Variants in GIPC3 observed in about 807,000 individuals in gnomAD.
GIPC3 encodes the protein GIPC PDZ domain containing family member 3.
A neutral mutation model predicts 27.3 loss-of-function variants in GIPC3; 16 were observed. That is an observed-to-expected ratio of 0.59 (90% CI 0.40 to 0.89). The LOEUF (loss-of-function observed/expected upper bound fraction) is 0.89. Ranked by LOEUF, GIPC3 falls within the 40% of genes least tolerant of loss-of-function variation. GIPC3 has a pLI of 0.00. For synonymous variants in GIPC3, 194 were observed against 184.6 expected, an observed-to-expected ratio of 1.05 and a Z score of -0.41; for missense variants, 440 against 442.1, an observed-to-expected ratio of 1.00 and a Z score of 0.04.
chr19:3,588,966 C>T (rs897319671), intron 3 of GIPC3, among the ~76,000 whole-genome samples: 13 of 151,520 alleles, frequency 8.6e-5, no homozygotes, highest in African/African-American at 2.9e-4. Flanking sequence ...AAAAATCAAG[C>T]TTAGTCTGAG....
At chr19:3,588,443 C>T (rs78396390) in intron 3 of GIPC3, among the ~76,000 whole-genome samples, 15,496 of 152,022 alleles carry the variant, frequency 0.1, 979 homozygotes, top group South Asian at 0.2. Context: ...TCTAGAAGTG[C>T]CCCAGCACAC....
rs2031901375 is a variant in GIPC3 at position 3,585,643 on chromosome 19, C to A, written c.46C>A (p.Arg16Ser). 8.4e-7 allele frequency: 1 copy of A among 1,196,350 alleles called. No individual in the cohort carries two copies. The highest frequency in any genetic ancestry group is 1.0e-6 in the Non-Finnish European group (1 of 967,630). 74.1% of individuals were successfully genotyped at this position (1,196,350 alleles called of 1,614,324 possible). The change falls in exon 1 of 6, where the codon CGC becomes AGC. Residue 16 changes from arginine (R) to serine (S), a missense_variant. By Grantham distance (110) the Arg-to-Ser change is moderately radical. Transcript: ENST00000644452. ...GGAGGCCCGGGGGACCGAGACCCCG[C>A]GCGCGTCTGCGCCCCCGCCCGCGCC... ...AREARGTETP[R>S]ASAPPPAPSE...
Position 3,585,749 on chromosome 19 carries a change from A to G in GIPC3, c.152A>G (p.Lys51Arg). ...CTGGCGCACGGGAGCCCCACGGGCA[A>G]GATCGAGGGCTTCACCAACGTCCGC... ...TQLAHGSPTGKIEGFTNVREL... is the reference protein window; with the variant it reads ...TQLAHGSPTGRIEGFTNVREL... Residue 51 changes from lysine to arginine, a missense_variant, in exon 1 of 6, where the codon AAG (lysine) becomes AGG (arginine). Transcript: ENST00000644452. The G allele has an allele frequency of 6.5e-7, 1 of 1,544,848 alleles. No homozygotes were observed. The highest frequency in any genetic ancestry group is 8.7e-7 in the Non-Finnish European group (1 of 1,144,908).
Position 3,592,238 on chromosome 19 carries a change from A to G in GIPC3, c.*2048A>G. On this transcript the variant is annotated 3_prime_UTR_variant, in exon 6 of 6. Transcript: ENST00000644452. Reference sequence around the variant, plus strand: ...CCTCTGGGACTCAATTCGCCTCTAAAACCCTGCCAGGTTCTAGATACCAGC... The same window carrying G: ...CCTCTGGGACTCAATTCGCCTCTAAGACCCTGCCAGGTTCTAGATACCAGC... 8.1e-7 allele frequency: 1 copy of G among 1,232,064 alleles called. No individual in the cohort carries two copies. Among genetic ancestry groups the G allele is most frequent in the Non-Finnish European group, 1.0e-6 (1 of 988,076 alleles). The allele number at this position is 1,232,064 out of a possible 1,614,324, so 76.3% of individuals were successfully genotyped here. A position where few individuals can be genotyped will look rare whatever the true frequency, so the allele number is the denominator to read the frequency against.
chr19:3,592,717 GCT>G lies in GIPC3; in HGVS notation c.*2530_*2531del. On this transcript the variant is annotated 3_prime_UTR_variant, in exon 6 of 6. Coordinates refer to ENST00000644452, the MANE Select transcript of GIPC3 (RefSeq NM_133261.3). ...CAGTCCAGCTCTGAGACCGGGCTCAGCTCTGAAACCCAGACCGGCTCAAGAAT... is the reference window on the plus strand; with the variant it reads ...CAGTCCAGCTCTGAGACCGGGCTCAGCTGAAACCCAGACCGGCTCAAGAAT... 6.5e-6 allele frequency: 8 copies of G among 1,231,704 alleles called. No homozygotes were observed. The highest frequency in any genetic ancestry group is 8.1e-6 in the Non-Finnish European group (8 of 987,676). The allele number at this position is 1,231,704 out of a possible 1,614,324, so 76.3% of individuals were successfully genotyped here. A position where few individuals can be genotyped will look rare whatever the true frequency, so the allele number is the denominator to read the frequency against.
In GIPC3 at chr19:3,585,530, G is replaced by T; in HGVS notation, c.-68G>T. ...TCGCGCCCTGGGCCGGGGGAGGGGAGGCTGCAGGAAGCGGCGGATCCGGCG... is the reference window on the plus strand; with the variant it reads ...TCGCGCCCTGGGCCGGGGGAGGGGATGCTGCAGGAAGCGGCGGATCCGGCG... On this transcript the variant is annotated 5_prime_UTR_variant, in exon 1 of 6. In the 5' UTR this introduces an upstream ATG that the reference lacks. Transcript: ENST00000644452. 1 of 1,093,940 alleles carries T rather than the reference G, an allele frequency of 9.1e-7. No homozygotes were observed. Among genetic ancestry groups the T allele is most frequent in the Non-Finnish European group, 1.1e-6 (1 of 899,752 alleles). The allele number at this position is 1,093,940 out of a possible 1,614,324, so 67.8% of individuals were successfully genotyped here.
intron 3 of GIPC3, among the ~76,000 whole-genome samples, chr19:3,588,190 G>T (rs112666636): frequency 0.021 from 3,172 of 151,652 alleles, 112 homozygotes; most frequent in African/African-American, 0.073. Context: ...TTTTAGTAGA[G>T]ATGGGGTTTC....
At position 3,590,176 on chromosome 19, in the gene GIPC3, G is replaced by GA. The variant is rs1253865825; in HGVS notation, c.926dup (p.Ala310GlyfsTer1037). On this transcript the variant is annotated frameshift_variant, in exon 6 of 6. Transcript: ENST00000644452. LOFTEE classifies it high-confidence loss of function. The stretch of plus-strand genomic sequence containing the variant: ...GTGGGCCGCCATCGGCGAGGCCAGA[G>GA]AGGCCTGTGGCTAGTTTGCCCTGGG... The GA allele has an allele frequency of 6.2e-7, 1 of 1,602,020 alleles. No homozygotes were observed. The highest frequency in any genetic ancestry group is 1.3e-5 in the African/African-American group (1 of 74,902).
chr19:3,593,154 A>G lies in GIPC3; in HGVS notation c.*2964A>G. ...ACCCCAGAAGTCCACCCCACCCACC[A>G]TATCTGTCACTCCTAGTCCTGCCCC... On this transcript the variant is annotated 3_prime_UTR_variant, in exon 6 of 6. Coordinates refer to ENST00000644452, the MANE Select transcript of GIPC3 (RefSeq NM_133261.3). 8.1e-7 allele frequency: 1 copy of G among 1,232,164 alleles called. No individual in the cohort carries two copies. Among genetic ancestry groups the G allele is most frequent in the Non-Finnish European group, 1.0e-6 (1 of 988,104 alleles). 76.3% of individuals were successfully genotyped at this position (1,232,164 alleles called of 1,614,324 possible). A position where few individuals can be genotyped will look rare whatever the true frequency, so the allele number is the denominator to read the frequency against.
Position 3,592,022 on chromosome 19 carries a change from A to T in GIPC3, c.*1832A>T, listed in dbSNP as rs1387658631. The T allele has an allele frequency of 1.6e-6, 2 of 1,231,950 alleles. No homozygotes were observed. The highest frequency in any genetic ancestry group is 1.6e-5 in the African/African-American group (1 of 64,398). 76.3% of individuals were successfully genotyped at this position (1,231,950 alleles called of 1,614,324 possible). A position where few individuals can be genotyped will look rare whatever the true frequency, so the allele number is the denominator to read the frequency against. Reference sequence around the variant, plus strand: ...GTTCTGGAGCACAGGCTGGTTCTGAAATCCCAGCCAGCTCCAAAACACAGA... The same window carrying T: ...GTTCTGGAGCACAGGCTGGTTCTGATATCCCAGCCAGCTCCAAAACACAGA... On this transcript the variant is annotated 3_prime_UTR_variant, in exon 6 of 6. Transcript: ENST00000644452.
At position 3,585,584 on chromosome 19, in the gene GIPC3, G is replaced by A. The variant is rs2032346882; in HGVS notation, c.-14G>A. 6.1e-6 allele frequency: 7 copies of A among 1,148,104 alleles called. No homozygotes were observed. The South Asian group carries it at 2.1e-4, about 35-fold the overall frequency. The allele number at this position is 1,148,104 out of a possible 1,614,324, so 71.1% of individuals were successfully genotyped here. A position where few individuals can be genotyped will look rare whatever the true frequency, so the allele number is the denominator to read the frequency against. ...GCGGCGAGGGCCCGGGTGGGTGGCC[G>A]AACTTCTCCCGCCATGGAGGGAGCA... On this transcript the variant is annotated 5_prime_UTR_variant, in exon 1 of 6. Transcript: ENST00000644452.
In GIPC3 at chr19:3,589,375, C is replaced by T. The variant is rs2032437312; in HGVS notation, c.593-68C>T. Reference sequence around the variant, plus strand: ...ATTCTAGAAAGGCTCGGCTGTTGGCCTCCCAGGGTTTACAAAGATGTGGCT... The same window carrying T: ...ATTCTAGAAAGGCTCGGCTGTTGGCTTCCCAGGGTTTACAAAGATGTGGCT... On this transcript the variant is annotated intron_variant, in intron 3 of 5. Transcript: ENST00000644452. 3 of 1,171,722 alleles carry T rather than the reference C, an allele frequency of 2.6e-6. No homozygotes were observed. The East Asian group carries it at 7.0e-5, about 27-fold the overall frequency. The allele number at this position is 1,171,722 out of a possible 1,614,324, so 72.6% of individuals were successfully genotyped here. A position where few individuals can be genotyped will look rare whatever the true frequency, so the allele number is the denominator to read the frequency against.
intron 3 of GIPC3, among the ~76,000 whole-genome samples, chr19:3,589,236 A>C (rs1339825731): frequency 6.6e-6 from 1 of 152,184 alleles, no homozygotes; most frequent in Non-Finnish European, 1.5e-5. Context: ...CTCCATTACA[A>C]CACCTCATTC....
At chr19:3,589,130 C>T (rs1044725089) in intron 3 of GIPC3, among the ~76,000 whole-genome samples, 2 of 152,034 alleles carry the variant, frequency 1.3e-5, no homozygotes, top group African/African-American at 4.8e-5. Flanking sequence ...GATTGAGGAT[C>T]CTACCACAAG....
In GIPC3 at chr19:3,590,405, C is replaced by T. The variant is rs11668656; in HGVS notation, c.*215C>T. On this transcript the variant is annotated 3_prime_UTR_variant, in exon 6 of 6. Coordinates refer to ENST00000644452, the MANE Select transcript of GIPC3 (RefSeq NM_133261.3). ...CTAGAGCCCAGGCCAGCTCTGAGAC[C>T]AAGCCCAGCATTGAGAATAAGCTCT... The T allele has an allele frequency of 6.9e-3, 9,885 of 1,432,710 alleles. 49 individuals carry two copies. Among genetic ancestry groups the T allele is most frequent in the Non-Finnish European group, 8.4e-3 (9,196 of 1,097,838 alleles). 88.7% of individuals were successfully genotyped at this position (1,432,710 alleles called of 1,614,324 possible).
intron 4 of GIPC3, 65 bp downstream of exon 4, chr19:3,589,620 G>A (rs1014289858): frequency 2.9e-5 from 40 of 1,385,996 alleles, no homozygotes; most frequent in Admixed American, 1.4e-4. Context: ...GAGTCAGTGC[G>A]GTCTTGGGTA....
At chr19:3,588,191 A>G (rs2032412322) in intron 3 of GIPC3, among the ~76,000 whole-genome samples, 1 of 150,794 alleles carries the variant, frequency 6.6e-6, no homozygotes, top group Non-Finnish European at 1.5e-5. Flanking sequence ...TTTAGTAGAG[A>G]TGGGGTTTCT....
intron 3 of GIPC3, among the ~76,000 whole-genome samples, chr19:3,587,438 C>T (rs868734218): frequency 6.6e-6 from 1 of 151,778 alleles, no homozygotes; most frequent in African/African-American, 2.4e-5. Flanking sequence ...CCCACCATTG[C>T]GCCTGGCTAA....
Position 3,586,806 on chromosome 19 carries a change from C to A in GIPC3, c.412-8C>A, listed in dbSNP as rs1455148218. 7 of 1,613,356 alleles carry A rather than the reference C, an allele frequency of 4.3e-6. No homozygotes were observed. The highest frequency in any genetic ancestry group is 5.9e-6 in the Non-Finnish European group (7 of 1,179,920). On this transcript the variant is annotated splice_region_variant and splice_polypyrimidine_tract_variant and intron_variant, in intron 2 of 5. Transcript: ENST00000644452. The stretch of plus-strand genomic sequence containing the variant: ...GGTTGCCCTGCCAGCGACGCTGGAT[C>A]CCTGCAGAGAATCAAGGAAGGCAGT...
Sources: allele counts gnomAD v4.1 joint callset (sites outside exome capture counted in the v4.1 genomes callset), GRCh38; gene constraint gnomAD v4.1.1; transcripts MANE v1.5; gene names NCBI Gene and HGNC (gene_info 2026-07-23, HGNC 2026-07-21).